TMEM132D: variants seen among roughly 807,000 people sequenced by gnomAD.
The protein encoded by TMEM132D is transmembrane protein 132D.
Under a neutral mutation model 62.3 loss-of-function variants are expected in TMEM132D, and 21 were observed. That is an observed-to-expected ratio of 0.34 (90% CI 0.24 to 0.49). The LOEUF (loss-of-function observed/expected upper bound fraction) is 0.49, where lower values mean the gene tolerates loss of function less well. Among genes scored for constraint, TMEM132D ranks in the 20% least tolerant of loss-of-function variants. The pLI is 0.99. For synonymous variants in TMEM132D, 621 were observed against 575.6 expected (o/e 1.08, Z -1.13); for missense variants, 1,346 against 1,402.8 (o/e 0.96, Z 0.65).
chr12:129,360,647 T>C (rs57045941), intron 3 of TMEM132D, among the ~76,000 whole-genome samples: 1 of 152,134 alleles, frequency 6.6e-6, no homozygotes, highest in East Asian at 1.9e-4. Flanking sequence ...ACCTGGGGAC[T>C]CTGGCCGGGG....
At chr12:129,145,822 C>A (rs1876877894) in intron 5 of TMEM132D, among the ~76,000 whole-genome samples, 1 of 152,054 alleles carries the variant, frequency 6.6e-6, no homozygotes, top group South Asian at 2.1e-4. Context: ...TTATGGTGTG[C>A]CCAGGGGTGT....
At chr12:129,631,811 A>AT (rs1879352229) in intron 2 of TMEM132D, among the ~76,000 whole-genome samples, 2 of 152,164 alleles carry the variant, frequency 1.3e-5, no homozygotes, top group Non-Finnish European at 2.9e-5. Flanking sequence ...TTGGTGAGCC[A>AT]TTGGCATCCT....
intron 1 of TMEM132D, among the ~76,000 whole-genome samples, chr12:129,860,675 C>G (rs1875445): frequency 2.0e-5 from 3 of 152,046 alleles, no homozygotes; most frequent in Non-Finnish European, 4.4e-5. Context: ...AAAACATATC[C>G]GAGACTGGGT....
intron 3 of TMEM132D, among the ~76,000 whole-genome samples, chr12:129,415,966 T>A (rs1872109201): frequency 1.3e-5 from 2 of 152,166 alleles, no homozygotes; most frequent in African/African-American, 2.4e-5. Context: ...CTGCTATTCT[T>A]CCCCCTTCTG....
chr12:129,352,112 C>T (rs1035346735), intron 3 of TMEM132D, among the ~76,000 whole-genome samples: 1 of 152,102 alleles, frequency 6.6e-6, no homozygotes, highest in Non-Finnish European at 1.5e-5. Flanking sequence ...TGCTGGGCTG[C>T]GTTCCCAGGA....
chr12:129,569,001 G>A (rs1041026795), intron 2 of TMEM132D, among the ~76,000 whole-genome samples: 1 of 152,158 alleles, frequency 6.6e-6, no homozygotes, highest in African/African-American at 2.4e-5. Context: ...TAGCAGGTTT[G>A]GGGTGAGACA....
intron 2 of TMEM132D, among the ~76,000 whole-genome samples, chr12:129,586,628 TC>T (rs760322575): frequency 3.2e-4 from 48 of 152,292 alleles, no homozygotes; most frequent in South Asian, 6.2e-4. Flanking sequence ...CGGGCACTAA[TC>T]CCATTCCTGA....
intron 4 of TMEM132D, among the ~76,000 whole-genome samples, chr12:129,267,334 A>C (rs912397916): frequency 6.6e-6 from 1 of 152,208 alleles, no homozygotes; most frequent in Admixed American, 6.5e-5. Context: ...ACTTCGGCAA[A>C]GTCTCAGGAT....
chr12:129,563,546 CAA>C (rs1333414315), intron 2 of TMEM132D, among the ~76,000 whole-genome samples: 2 of 152,032 alleles, frequency 1.3e-5, no homozygotes, highest in Non-Finnish European at 2.9e-5. Flanking sequence ...AGGGAGGTGA[CAA>C]GAGAGATGTG....
chr12:129,137,682 G>T (rs990257130), intron 5 of TMEM132D, among the ~76,000 whole-genome samples: 2 of 152,012 alleles, frequency 1.3e-5, no homozygotes, highest in Non-Finnish European at 2.9e-5. Flanking sequence ...TTTATTCTTT[G>T]CCCCTTCCTG....
Position 129,272,792 on chromosome 12 carries a change from G to A in TMEM132D, c.1300-63129C>T, listed in dbSNP as rs186404489. 7.1e-4 allele frequency among the ~76,000 whole-genome samples: 108 copies of A among 151,852 alleles called. No individual in the cohort carries two copies. The East Asian group carries it at 0.014, about 19-fold the overall frequency. ...AGTAACAAAATAGGCCAGGCACGGCGGCTCACGCCTGTAATCCCAGCACTT... is the reference window on the plus strand; with the variant it reads ...AGTAACAAAATAGGCCAGGCACGGCAGCTCACGCCTGTAATCCCAGCACTT... On this transcript the variant is annotated intron_variant, in intron 4 of 8. Transcript: ENST00000422113.
intron 4 of TMEM132D, among the ~76,000 whole-genome samples, chr12:129,291,841 G>C (rs147064893): frequency 3.3e-3 from 506 of 152,274 alleles, no homozygotes; most frequent in African/African-American, 0.012. Context: ...TCTAAGCAGA[G>C]GCTAGGAGGC....
intron 1 of TMEM132D, among the ~76,000 whole-genome samples, chr12:129,825,937 G>A (rs1313817118): frequency 6.6e-6 from 1 of 152,126 alleles, no homozygotes; most frequent in Admixed American, 6.5e-5. Flanking sequence ...GGTGGCGCAT[G>A]CCTATAATTC....
At chr12:129,121,371 A>G (rs564319965) in intron 5 of TMEM132D, among the ~76,000 whole-genome samples, 1 of 152,328 alleles carries the variant, frequency 6.6e-6, no homozygotes, top group South Asian at 2.1e-4. Flanking sequence ...TGCTGGGATT[A>G]CAGGCATGAG....
chr12:129,144,967 G>A (rs1278345510), intron 5 of TMEM132D, among the ~76,000 whole-genome samples: 2 of 151,128 alleles, frequency 1.3e-5, no homozygotes, highest in Admixed American at 6.6e-5. Context: ...GTTCTTTTAA[G>A]TCACTTTGGG....
intron 1 of TMEM132D, among the ~76,000 whole-genome samples, chr12:129,755,113 C>A (rs1381238639): frequency 6.6e-6 from 1 of 152,194 alleles, no homozygotes; most frequent in African/African-American, 2.4e-5. Flanking sequence ...TTGCTATTTG[C>A]CACTGGATTG....
intron 5 of TMEM132D, among the ~76,000 whole-genome samples, chr12:129,142,996 T>C (rs532483804): frequency 2.3e-4 from 35 of 152,176 alleles, no homozygotes; most frequent in African/African-American, 8.4e-4. Context: ...AAAACAAGCA[T>C]CAACACAGAA....
At chr12:129,641,253 T>A (rs1879634070) in intron 2 of TMEM132D, among the ~76,000 whole-genome samples, 1 of 152,302 alleles carries the variant, frequency 6.6e-6, no homozygotes, top group Middle Eastern at 3.4e-3. Context: ...GAAGCCCTGC[T>A]CTATCCCACT....
intron 3 of TMEM132D, among the ~76,000 whole-genome samples, chr12:129,502,599 T>G: frequency 6.6e-6 from 1 of 152,072 alleles, no homozygotes; most frequent in Non-Finnish European, 1.5e-5. Context: ...GTCTTTCCTC[T>G]GTGAGTACCC....
Sources: allele counts gnomAD v4.1 joint callset (sites outside exome capture counted in the v4.1 genomes callset), GRCh38; gene constraint gnomAD v4.1.1; transcripts MANE v1.5; gene names NCBI Gene and HGNC (gene_info 2026-07-23, HGNC 2026-07-21).